Variants in ZNF366 observed in about 807,000 individuals in gnomAD.
ZNF366 encodes the protein zinc finger protein 366, also known as dendritic cell-specific transcript protein.
In ZNF366, 20 loss-of-function variants were observed where a neutral mutation model predicts 47.2. The ratio of observed to expected loss-of-function variants is 0.42; its 90% CI spans 0.30 to 0.62. The LOEUF is 0.62. ZNF366 is among the 20% of genes least tolerant of loss of function. ZNF366 has a pLI of 0.16. For synonymous variants in ZNF366, 421 were observed against 395.1 expected, an observed-to-expected ratio of 1.07 and a Z score of -0.78; for missense variants, 987 against 976.3, an observed-to-expected ratio of 1.01 and a Z score of -0.15.
At chr5:72,497,816 G>GT (rs767371655) in intron 1 of ZNF366, among the ~76,000 whole-genome samples, 1 of 152,058 alleles carries the variant, frequency 6.6e-6, no homozygotes, top group Non-Finnish European at 1.5e-5. Context: ...ATAAAAATTG[G>GT]TATCTCATAG....
In ZNF366 at chr5:72,460,598, A is replaced by C. The variant is rs1019217739; in HGVS notation, c.899T>G (p.Met300Arg). Residue 300 changes from methionine (M) to arginine (R), a missense_variant, in exon 2 of 5, where the codon ATG (methionine) becomes AGG (arginine). By Grantham distance (91) the Met-to-Arg change is moderately conservative. Coordinates refer to ENST00000318442, the MANE Select transcript of ZNF366 (RefSeq NM_152625.3). ...GGGCCGCGTGCCCTGGTGGGTCAGC[A>C]TGTGGGTATGCAGGTGGCTGAGCTG... ...FKQLSHLHTHMLTHQGTRPHK... is the reference protein window; with the variant it reads ...FKQLSHLHTHRLTHQGTRPHK... 4 of 1,614,008 alleles carry C rather than the reference A, an allele frequency of 2.5e-6. No homozygotes were observed. The highest frequency in any genetic ancestry group is 3.4e-6 in the Non-Finnish European group (4 of 1,180,038).
intron 1 of ZNF366, among the ~76,000 whole-genome samples, chr5:72,466,242 G>A (rs186682636): frequency 4.6e-5 from 7 of 152,312 alleles, no homozygotes; most frequent in African/African-American, 1.7e-4. Context: ...ATACCATGTG[G>A]CGATAAACCA....
chr5:72,495,280 G>T (rs543743778), intron 1 of ZNF366, among the ~76,000 whole-genome samples: 1 of 152,120 alleles, frequency 6.6e-6, no homozygotes, highest in Non-Finnish European at 1.5e-5. Context: ...GGGGCTAATC[G>T]TTTATTGAAT....
At position 72,505,964 on chromosome 5, in the gene ZNF366, A is replaced by G. The variant is rs117273034; in HGVS notation, c.-15+1287T>C. Among the ~76,000 whole-genome samples, 38 of 152,336 alleles carry G rather than the reference A, an allele frequency of 2.5e-4. No individual in the cohort carries two copies. In the East Asian group the frequency reaches 7.1e-3, roughly 29 times the overall value. The stretch of plus-strand genomic sequence containing the variant: ...AATCCTTGAAAAAAGGAGAAGAAAA[A>G]AGAGGTCTGACTAATGGAACAAAAG... On this transcript the variant is annotated intron_variant, in intron 1 of 4. Coordinates refer to ENST00000318442, the MANE Select transcript of ZNF366 (RefSeq NM_152625.3).
chr5:72,504,249 C>T (rs1744276007), intron 1 of ZNF366, among the ~76,000 whole-genome samples: 1 of 151,976 alleles, frequency 6.6e-6, no homozygotes, highest in Non-Finnish European at 1.5e-5. Flanking sequence ...ACTTTAAGTC[C>T]TTTCCTCTTT....
rs143292498 is a variant in ZNF366, at chr5:72,477,291, G to T, written c.-14-15781C>A. On this transcript the variant is annotated intron_variant, in intron 1 of 4. Transcript: ENST00000318442. Reference sequence around the variant, plus strand: ...TTCAATTCCTTCTTTCCCAGAGAGGGTACACAGAATATTGGAAAATATCCA... The same window carrying T: ...TTCAATTCCTTCTTTCCCAGAGAGGTTACACAGAATATTGGAAAATATCCA... Among the ~76,000 whole-genome samples the T allele has an allele frequency of 1.4e-3, 210 of 152,270 alleles. 2 individuals are homozygous for T. In the East Asian group the frequency reaches 0.033, roughly 24 times the overall value.
Position 72,456,504 on chromosome 5 carries a change from CG to C in ZNF366, c.1423del (p.Arg475AlafsTer22). 6.2e-7 allele frequency: 1 copy of C among 1,614,012 alleles called. No individual in the cohort carries two copies. The highest frequency in any genetic ancestry group is 2.2e-5 in the East Asian group (1 of 44,886). ...KRHVLIHTNIRAYQCHLCYKS... is the reference protein window; with the variant it reads ...KRHVLIHTNIXAYQCHLCYKS... ...GTAGCAGAGGTGACACTGGTAGGCG[CG>C]GATGTTGGTGTGGATCAGCACGTGT... On this transcript the variant is annotated frameshift_variant, in exon 3 of 5. Transcript: ENST00000318442. LOFTEE classifies it high-confidence loss of function.
At chr5:72,495,557 A>G (rs1244234155) in intron 1 of ZNF366, among the ~76,000 whole-genome samples, 1 of 152,126 alleles carries the variant, frequency 6.6e-6, no homozygotes, top group African/African-American at 2.4e-5. Flanking sequence ...ACAAGAGAAC[A>G]TGGTCCCAAT....
intron 1 of ZNF366, among the ~76,000 whole-genome samples, chr5:72,484,479 G>C (rs1224005570): frequency 7.7e-6 from 1 of 130,210 alleles, no homozygotes; most frequent in Non-Finnish European, 1.6e-5. Context: ...GCGAGACTCC[G>C]TCTCAAAAAA....
intron 1 of ZNF366, among the ~76,000 whole-genome samples, chr5:72,498,107 A>G (rs1332040562): frequency 6.6e-6 from 1 of 152,100 alleles, no homozygotes; most frequent in Non-Finnish European, 1.5e-5. Flanking sequence ...AAAACTAGAA[A>G]GGCCCTTCCT....
chr5:72,506,435 C>T (rs749986151), intron 1 of ZNF366, among the ~76,000 whole-genome samples: 17 of 152,274 alleles, frequency 1.1e-4, no homozygotes, highest in Middle Eastern at 3.4e-3. Context: ...TAGCTTGCTA[C>T]GCCCTATTTG....
chr5:72,442,398 T>A lies in ZNF366; in HGVS notation c.*1358A>T, dbSNP rs1742870647. 1 of 152,150 alleles carries A rather than the reference T, an allele frequency of 6.6e-6. No individual in the cohort carries two copies. Among genetic ancestry groups the A allele is most frequent in the Admixed American group, 6.5e-5 (1 of 15,278 alleles). 9.4% of individuals were successfully genotyped at this position (152,150 alleles called of 1,614,324 possible). The stretch of plus-strand genomic sequence containing the variant: ...AGGGCTCCACTCCAGATCAATTAAA[T>A]CAGAATCTTAATGGGTAAGGCCTTG... On this transcript the variant is annotated 3_prime_UTR_variant, in exon 5 of 5. Coordinates refer to ENST00000318442, the MANE Select transcript of ZNF366 (RefSeq NM_152625.3).
chr5:72,447,338 C>A lies in ZNF366; in HGVS notation c.1604G>T (p.Cys535Phe), dbSNP rs1317247912. ...GGTGAATTTGCTTGGGCAATAGAGG[C>A]ACTTGAAGGGTTTGCTGTCTGAGTG... ...HLHSDSKPFK[C>F]LYCPSKFTLK... The change falls in exon 4 of 5, where the codon TGC becomes TTC. Residue 535 changes from cysteine (C) to phenylalanine (F), a missense_variant. By Grantham distance (205) the Cys-to-Phe change is radical. Coordinates refer to ENST00000318442, the MANE Select transcript of ZNF366 (RefSeq NM_152625.3). 1 of 1,614,076 alleles carries A rather than the reference C, an allele frequency of 6.2e-7. No homozygotes were observed. Among genetic ancestry groups the A allele is most frequent in the Non-Finnish European group, 8.5e-7 (1 of 1,180,054 alleles).
In ZNF366 at chr5:72,447,367, G is replaced by A. The variant is rs1742980284; in HGVS notation, c.1575C>T (p.His525=). Residue 525 remains histidine, a synonymous_variant, in exon 4 of 5, where the codon CAC becomes CAT. Coordinates refer to ENST00000318442, the MANE Select transcript of ZNF366 (RefSeq NM_152625.3). ...NRMHNLMGHM[H]LHSDSKPFKC... ...TGAAGGGTTTGCTGTCTGAGTGCAG[G>A]TGCATGTGGCCCATCAGGTTGTGCA... 6 of 1,614,080 alleles carry A rather than the reference G, an allele frequency of 3.7e-6. No homozygotes were observed. Among genetic ancestry groups the A allele is most frequent in the Middle Eastern group, 3.3e-4 (2 of 6,084 alleles).
intron 1 of ZNF366, among the ~76,000 whole-genome samples, chr5:72,468,541 G>A (rs1561196720): frequency 1.3e-5 from 2 of 152,180 alleles, no homozygotes; most frequent in Non-Finnish European, 2.9e-5. Flanking sequence ...GTTGTGTATT[G>A]TTTAAATTGT....
intron 1 of ZNF366, among the ~76,000 whole-genome samples, chr5:72,498,420 C>G (rs1561206072): frequency 6.6e-6 from 1 of 152,278 alleles, no homozygotes; most frequent in South Asian, 2.1e-4. Context: ...GCCATCCATT[C>G]ATGTGTCAGT....
intron 1 of ZNF366, 55 bp downstream of exon 1, chr5:72,507,196 G>A (rs1387073121): frequency 1.0e-6 from 1 of 984,448 alleles, no homozygotes; most frequent in East Asian, 1.1e-4. Context: ...GCCCACAGCA[G>A]TATCCACCCA....
chr5:72,461,561 C>T, intron 1 of ZNF366, 51 bp from the exon 2 acceptor site: 1 of 1,512,248 alleles, frequency 6.6e-7, no homozygotes, highest in Non-Finnish European at 8.8e-7. Flanking sequence ...GTTTAAAATT[C>T]TCTTTTTCCT....
At chr5:72,494,103 A>T (rs558852089) in intron 1 of ZNF366, 8 of 152,158 alleles carry the variant, frequency 5.3e-5, no homozygotes, top group African/African-American at 1.9e-4. Context: ...GAATGAGTTA[A>T]TTACTGTAAC....
Sources: allele counts gnomAD v4.1 joint callset (sites outside exome capture counted in the v4.1 genomes callset), GRCh38; gene constraint gnomAD v4.1.1; transcripts MANE v1.5; gene names NCBI Gene and HGNC (gene_info 2026-07-23, HGNC 2026-07-21).